The following KIRREL1 variants were observed in gnomAD, a reference collection of about 807,000 sequenced individuals.
KIRREL1 encodes the protein kirre like nephrin family adhesion molecule 1.
A neutral mutation model predicts 83.3 loss-of-function variants in KIRREL1; 25 were observed. That is an observed-to-expected ratio of 0.30 (90% CI 0.22 to 0.42). KIRREL1 has a LOEUF of 0.42. Among genes scored for constraint, KIRREL1 ranks in the 10% least tolerant of loss-of-function variants. The pLI is 1.00. For missense variants in KIRREL1, 812 were observed against 1,032.3 expected, an observed-to-expected ratio of 0.79 and a Z score of 2.92; for synonymous variants, 388 against 410.4, an observed-to-expected ratio of 0.95 and a Z score of 0.66.
chr1:158,000,729 G>C (rs1157282829), intron 1 of KIRREL1, among the ~76,000 whole-genome samples: 2 of 151,962 alleles, frequency 1.3e-5, no homozygotes, highest in African/African-American at 4.8e-5. Context: ...ATTAACCTCT[G>C]TTGTCTCCAG....
At chr1:158,061,631 AG>A (rs1267151966) in intron 1 of KIRREL1, among the ~76,000 whole-genome samples, 1 of 152,004 alleles carries the variant, frequency 6.6e-6, no homozygotes, top group African/African-American at 2.4e-5. Context: ...GCTGGCATCT[AG>A]GGTGGTTCTG....
chr1:158,018,850 T>C (rs1052753369), intron 1 of KIRREL1, among the ~76,000 whole-genome samples: 11 of 152,218 alleles, frequency 7.2e-5, no homozygotes, highest in African/African-American at 1.2e-4. Flanking sequence ...CAGCCATCGA[T>C]TGATGTGCTA....
At chr1:158,093,830 C>A in intron 13 of KIRREL1, 68 bp downstream of exon 13, 1 of 1,560,780 alleles carries the variant, frequency 6.4e-7, no homozygotes, top group Non-Finnish European at 8.8e-7. Context: ...CATCCCAGAT[C>A]TCTAATAACC....
At chr1:158,054,738 C>T (rs1444880909) in intron 1 of KIRREL1, among the ~76,000 whole-genome samples, 1 of 152,176 alleles carries the variant, frequency 6.6e-6, no homozygotes, top group Admixed American at 6.5e-5. Context: ...CTAAAACCTG[C>T]CTCTACCAAA....
intron 1 of KIRREL1, among the ~76,000 whole-genome samples, chr1:158,050,573 A>C (rs1660886694): frequency 6.6e-6 from 1 of 152,172 alleles, no homozygotes; most frequent in South Asian, 2.1e-4. Context: ...TAAAGCCAGA[A>C]GCCACTTGTT....
chr1:158,076,064 G>A (rs764393617), intron 1 of KIRREL1, 49 bp from the exon 2 acceptor site: 8 of 1,566,650 alleles, frequency 5.1e-6, no homozygotes, highest in South Asian at 4.6e-5. Flanking sequence ...CCTCTTAGAG[G>A]AGCCCCTCTC....
chr1:158,051,936 A>G (rs950222768), intron 1 of KIRREL1, among the ~76,000 whole-genome samples: 1 of 152,036 alleles, frequency 6.6e-6, no homozygotes, highest in African/African-American at 2.4e-5. Context: ...CTACCCCTTC[A>G]TTTATTTCAT....
At chr1:158,048,347 T>C (rs1331582861) in intron 1 of KIRREL1, among the ~76,000 whole-genome samples, 1 of 152,230 alleles carries the variant, frequency 6.6e-6, no homozygotes, top group Non-Finnish European at 1.5e-5. Flanking sequence ...CTAAAGCAGG[T>C]TGCTCCAGGT....
chr1:158,078,109 G>C lies in KIRREL1; in HGVS notation c.321G>C (p.Leu107=). The change falls in exon 3 of 15, where the codon CTG becomes CTC. Residue 107 remains leucine (L), a synonymous_variant. Transcript: ENST00000359209. ...SYECQATEAA[L]RSRRAKLTVL... Reference sequence around the variant, plus strand: ...AGTGCCAGGCCACGGAGGCCGCCCTGCGCTCTCGGCGGGCCAAACTCACCG... The same window carrying C: ...AGTGCCAGGCCACGGAGGCCGCCCTCCGCTCTCGGCGGGCCAAACTCACCG... The C allele has an allele frequency of 6.2e-7, 1 of 1,614,136 alleles. No individual in the cohort carries two copies. The highest frequency in any genetic ancestry group is 8.5e-7 in the Non-Finnish European group (1 of 1,180,026).
intron 1 of KIRREL1, among the ~76,000 whole-genome samples, chr1:158,063,191 C>T (rs1158413861): frequency 6.6e-6 from 1 of 152,226 alleles, no homozygotes; most frequent in Non-Finnish European, 1.5e-5. Context: ...GCAAGACCAC[C>T]TATGTCCAAC....
intron 1 of KIRREL1, among the ~76,000 whole-genome samples, chr1:158,020,600 C>A (rs867801599): frequency 1.7e-3 from 139 of 83,654 alleles, no homozygotes; most frequent in South Asian, 3.1e-3. Flanking sequence ...TACAGTAAAT[C>A]AAAAAAAAAA....
At position 158,089,487 on chromosome 1, in the gene KIRREL1, GCT is replaced by G; in HGVS notation, c.1045-8_1045-7del. 6 of 1,613,914 alleles carry G rather than the reference GCT, an allele frequency of 3.7e-6. No homozygotes were observed. Among genetic ancestry groups the G allele is most frequent in the Non-Finnish European group, 5.1e-6 (6 of 1,179,980 alleles). The stretch of plus-strand genomic sequence containing the variant: ...GCCTCCTGGCTCCCCACCCGAGGCT[GCT>G]CTCTCTGCCCAGGTCCTGAGTAACA... On this transcript the variant is annotated splice_polypyrimidine_tract_variant and intron_variant, in intron 8 of 14. Transcript: ENST00000359209.
chr1:158,042,909 TAA>T lies in KIRREL1; in HGVS notation c.53-33186_53-33185del, dbSNP rs34934306. 5.4e-3 allele frequency among the ~76,000 whole-genome samples: 661 copies of T among 121,922 alleles called. 6 individuals are homozygous for T. Among genetic ancestry groups the T allele is most frequent in the African/African-American group, 0.02 (632 of 32,140 alleles). 80.0% of individuals were successfully genotyped at this position (121,922 alleles called of 152,430 possible). The stretch of plus-strand genomic sequence containing the variant: ...TAACACGGTGAAACCCCGTCTCTAC[TAA>T]AAAAAAAAAAAAAAAAATACAAAAA... On this transcript the variant is annotated intron_variant, in intron 1 of 14. Transcript: ENST00000359209.
chr1:158,068,293 T>C (rs1293969529), intron 1 of KIRREL1, among the ~76,000 whole-genome samples: 1 of 152,206 alleles, frequency 6.6e-6, no homozygotes, highest in Non-Finnish European at 1.5e-5. Flanking sequence ...GATGTCCATA[T>C]CACCTGACAT....
chr1:158,013,215 T>C (rs1230515783), intron 1 of KIRREL1, among the ~76,000 whole-genome samples: 2 of 152,176 alleles, frequency 1.3e-5, no homozygotes, highest in Non-Finnish European at 2.9e-5. Flanking sequence ...TGAAGTAAAG[T>C]ATTTTGTCTT....
chr1:158,059,914 T>C (rs1323497783), intron 1 of KIRREL1, among the ~76,000 whole-genome samples: 4 of 152,124 alleles, frequency 2.6e-5, no homozygotes, highest in Non-Finnish European at 5.9e-5. Flanking sequence ...GAATTAGTGT[T>C]GAGGTGGACA....
At chr1:158,054,497 A>G (rs1660998790) in intron 1 of KIRREL1, among the ~76,000 whole-genome samples, 1 of 152,142 alleles carries the variant, frequency 6.6e-6, no homozygotes, top group Admixed American at 6.5e-5. Context: ...ACTTGTAAGG[A>G]CATTTTCTCA....
intron 1 of KIRREL1, among the ~76,000 whole-genome samples, chr1:158,018,277 G>T (rs567673994): frequency 6.6e-6 from 1 of 152,246 alleles, no homozygotes; most frequent in Admixed American, 6.5e-5. Flanking sequence ...CTGGTGTGCC[G>T]CACCACACCA....
chr1:158,050,567 G>A (rs1305268851), intron 1 of KIRREL1, among the ~76,000 whole-genome samples: 1 of 152,128 alleles, frequency 6.6e-6, no homozygotes, highest in Admixed American at 6.5e-5. Context: ...GCCCATTAAA[G>A]CCAGAAGCCA....
Sources: gnomAD v4.1 joint callset for allele counts (sites outside exome capture counted in the v4.1 genomes callset) on GRCh38, gnomAD v4.1.1 for gene constraint, MANE v1.5 for transcripts, NCBI Gene and HGNC (gene_info 2026-07-23, HGNC 2026-07-21) for gene names.